IL1RL1: variants seen among roughly 807,000 people sequenced by gnomAD.
IL1RL1 encodes the protein interleukin 1 receptor like 1.
IL1RL1 carries 32 observed loss-of-function variants against 50.9 expected under a neutral mutation model. That is an observed-to-expected ratio of 0.63 (90% CI 0.47 to 0.84). The LOEUF (loss-of-function observed/expected upper bound fraction) is 0.84, where lower values mean the gene tolerates loss of function less well. IL1RL1 is among the 40% of genes least tolerant of loss of function. IL1RL1 has a pLI of 0.00. For synonymous variants in IL1RL1, 275 were observed against 236.0 expected (o/e 1.17, Z -1.51); for missense variants, 773 against 662.9 (o/e 1.17, Z -1.82).
At position 102,351,785 on chromosome 2, in the gene IL1RL1, G is replaced by A; in HGVS notation, c.1535G>A (p.Trp512Ter). The change falls in exon 11 of 11, where the codon TGG becomes TAG. Residue 512 changes from tryptophan (W) to a stop codon, truncating the protein, a stop_gained. Transcript: ENST00000233954. LOFTEE classifies it low-confidence loss of function (END_TRUNC). ...HLMKVQGTIK[W>*]REDHIANKRS... is the part of the protein sequence containing the mutation. ...ATGAAAGTACAGGGGACCATCAAGT[G>A]GAGGGAGGACCACATTGCCAATAAA... 1 of 1,614,054 alleles carries A rather than the reference G, an allele frequency of 6.2e-7. No individual in the cohort carries two copies. Among genetic ancestry groups the A allele is most frequent in the Non-Finnish European group, 8.5e-7 (1 of 1,179,978 alleles).
intron 1 of IL1RL1, among the ~76,000 whole-genome samples, chr2:102,326,458 A>C (rs1677002394): frequency 6.6e-6 from 1 of 151,906 alleles, no homozygotes; most frequent in South Asian, 2.1e-4. Context: ...CGAGCAAAAT[A>C]AATAGCAAAC....
intron 8 of IL1RL1, 102 bp downstream of exon 8, chr2:102,343,517 C>T: frequency 1.2e-6 from 2 of 1,600,538 alleles, no homozygotes; most frequent in Non-Finnish European, 1.7e-6. Context: ...ATGGGAATGG[C>T]CTGTGCCATA....
chr2:102,350,634 T>A lies in IL1RL1; in HGVS notation c.1286-902T>A, dbSNP rs564296173. ...CACCATTCCATCCAGTGGCCCTGGG[T>A]GGCTGATCATCATGGAATCCATTGC... On this transcript the variant is annotated intron_variant, in intron 10 of 10. Transcript: ENST00000233954. 3.3e-5 allele frequency among the ~76,000 whole-genome samples: 5 copies of A among 152,378 alleles called. No individual in the cohort carries two copies. The South Asian group carries it at 1.0e-3, about 32-fold the overall frequency.
At chr2:102,339,653 G>T (rs1448005174) in intron 3 of IL1RL1, among the ~76,000 whole-genome samples, 1 of 152,200 alleles carries the variant, frequency 6.6e-6, no homozygotes, top group African/African-American at 2.4e-5. Flanking sequence ...TGCGATGCCA[G>T]CAAGTTACTT....
intron 1 of IL1RL1, among the ~76,000 whole-genome samples, chr2:102,325,463 A>T (rs1358861136): frequency 2.0e-5 from 3 of 152,242 alleles, no homozygotes; most frequent in Non-Finnish European, 4.4e-5. Context: ...CTCCAGAGGA[A>T]CACAGCTCCT....
At chr2:102,321,076 C>A (rs1676823232) in intron 1 of IL1RL1, among the ~76,000 whole-genome samples, 1 of 152,214 alleles carries the variant, frequency 6.6e-6, no homozygotes, top group African/African-American at 2.4e-5. Flanking sequence ...TCGGACACAC[C>A]AGGCTTGCCT....
chr2:102,344,720 C>T (rs563794046), intron 8 of IL1RL1: 1 of 943,628 alleles, frequency 1.1e-6, no homozygotes, highest in Non-Finnish European at 1.3e-6. Flanking sequence ...AATGCACAAC[C>T]AAATTATTGA....
intron 1 of IL1RL1, among the ~76,000 whole-genome samples, chr2:102,332,070 AAATAAT>A (rs952859152): frequency 1.3e-5 from 2 of 152,102 alleles, no homozygotes; most frequent in Non-Finnish European, 2.9e-5. Context: ...CTTGCCTCAG[AAATAAT>A]AATAATAATG....
chr2:102,323,472 G>A (rs1402721380), intron 1 of IL1RL1, among the ~76,000 whole-genome samples: 1 of 151,934 alleles, frequency 6.6e-6, no homozygotes, highest in East Asian at 1.9e-4. Flanking sequence ...GATTTTAATG[G>A]CTGCAAAGTT....
intron 1 of IL1RL1, among the ~76,000 whole-genome samples, chr2:102,334,548 AAC>A (rs1677259575): frequency 6.6e-6 from 1 of 152,116 alleles, no homozygotes; most frequent in South Asian, 2.1e-4. Context: ...AAAATAAAAA[AAC>A]AGAATAAAAA....
chr2:102,325,686 C>T (rs941181422), intron 1 of IL1RL1, among the ~76,000 whole-genome samples: 3 of 152,122 alleles, frequency 2.0e-5, no homozygotes, highest in East Asian at 3.8e-4. Context: ...AACCATGGCA[C>T]GAGAACTACG....
rs772536038 is a variant in IL1RL1 at position 102,340,700 on chromosome 2, C to T, written c.482C>T (p.Ala161Val). The T allele has an allele frequency of 4.4e-5, 70 of 1,599,026 alleles. No individual in the cohort carries two copies. The East Asian group carries it at 5.2e-4, about 12-fold the overall frequency. ...GCTCTTCAAGGATCAAGGTACAGGGCGCACAAGTCATTTTTGGTCATTGAT... is the reference window on the plus strand; with the variant it reads ...GCTCTTCAAGGATCAAGGTACAGGGTGCACAAGTCATTTTTGGTCATTGAT... The part of the protein sequence containing the change: ...CQALQGSRYR[A>V]HKSFLVIDNV... The change falls in exon 5 of 11, where the codon GCG (alanine) becomes GTG (valine). Residue 161 changes from alanine to valine, a missense_variant. Transcript: ENST00000233954.
At chr2:102,339,327 A>G (rs1039662155) in intron 3 of IL1RL1, 4 of 325,832 alleles carry the variant, frequency 1.2e-5, no homozygotes, top group Non-Finnish European at 2.3e-5. Flanking sequence ...AACTGAGAGC[A>G]ATTGCTTACT....
At chr2:102,332,676 A>C (rs1677207157) in intron 1 of IL1RL1, among the ~76,000 whole-genome samples, 1 of 152,154 alleles carries the variant, frequency 6.6e-6, no homozygotes, top group Non-Finnish European at 1.5e-5. Flanking sequence ...TGGGGACTTC[A>C]TGTTAATGGG....
chr2:102,343,488 C>T, intron 8 of IL1RL1, 73 bp downstream of exon 8: 1 of 1,612,382 alleles, frequency 6.2e-7, no homozygotes, highest in Non-Finnish European at 8.5e-7. Flanking sequence ...AGTGTGGTTC[C>T]AAGAGATCCA....
At chr2:102,331,441 T>C (rs1427520068) in intron 1 of IL1RL1, among the ~76,000 whole-genome samples, 1 of 152,234 alleles carries the variant, frequency 6.6e-6, no homozygotes, top group Non-Finnish European at 1.5e-5. Context: ...TTAATGATGA[T>C]TTAGTCATTT....
At chr2:102,330,003 G>C (rs1327501204) in intron 1 of IL1RL1, among the ~76,000 whole-genome samples, 2 of 152,146 alleles carry the variant, frequency 1.3e-5, no homozygotes, top group Non-Finnish European at 2.9e-5. Context: ...ATACCCAAAG[G>C]ATTATAAATC....
At chr2:102,333,604 G>T (rs764803430) in intron 1 of IL1RL1, among the ~76,000 whole-genome samples, 4 of 151,994 alleles carry the variant, frequency 2.6e-5, no homozygotes, top group Non-Finnish European at 5.9e-5. Context: ...TTGTTTGTTT[G>T]TTTTTTTAAA....
At chr2:102,329,209 G>T (rs530146083) in intron 1 of IL1RL1, among the ~76,000 whole-genome samples, 1 of 152,260 alleles carries the variant, frequency 6.6e-6, no homozygotes, top group African/African-American at 2.4e-5. Flanking sequence ...TCTGATCTTT[G>T]ACAAACCTGA....
Sources: allele counts gnomAD v4.1 joint callset (sites outside exome capture counted in the v4.1 genomes callset), GRCh38; gene constraint gnomAD v4.1.1; transcripts MANE v1.5; gene names NCBI Gene and HGNC (gene_info 2026-07-23, HGNC 2026-07-21).